The following FZD3 variants were observed in gnomAD, a reference collection of about 807,000 sequenced individuals.
FZD3 encodes frizzled-3.
Under a neutral mutation model 60.7 loss-of-function variants are expected in FZD3, and 30 were observed. That is an observed-to-expected ratio of 0.49 (90% CI 0.37 to 0.67). The LOEUF (loss-of-function observed/expected upper bound fraction) is 0.67, where lower values mean the gene tolerates loss of function less well. Ranked by LOEUF, FZD3 falls within the 30% of genes least tolerant of loss-of-function variation. The probability of loss-of-function intolerance (pLI) is 0.00; values close to 1 mark genes in which losing one functional copy is unlikely to be tolerated. For missense variants in FZD3, 605 were observed against 838.7 expected, an observed-to-expected ratio of 0.72 and a Z score of 3.44; for synonymous variants, 246 against 275.2, an observed-to-expected ratio of 0.89 and a Z score of 1.05.
chr8:28,542,977 T>C (rs1214779781), intron 5 of FZD3, among the ~76,000 whole-genome samples: 1 of 152,190 alleles, frequency 6.6e-6, no homozygotes, highest in African/African-American at 2.4e-5. Context: ...ATGAGTAGGA[T>C]AGGATGTATC....
rs1297183131 is a variant in FZD3, at chr8:28,527,700, G to A, written c.940G>A (p.Ala314Thr). ...WVILTITWFL[A>T]AVPKWGSEAI... ...AATTCTTACCATCACATGGTTTTTA[G>A]CAGCTGTGCCAAAGTGGGGTAGTGA... Residue 314 changes from alanine to threonine, a missense_variant, in exon 5 of 8, where the codon GCA becomes ACA. Physicochemically the swap from Ala to Thr is moderately conservative, Grantham distance 58. Transcript: ENST00000240093. This position sits in a 1 kb window ranked among gnomAD's most constrained non-coding sequence, Gnocchi z 5.0. 1 of 1,614,084 alleles carries A rather than the reference G, an allele frequency of 6.2e-7. No homozygotes were observed. The highest frequency in any genetic ancestry group is 8.5e-7 in the Non-Finnish European group (1 of 1,179,994).
intron 4 of FZD3, among the ~76,000 whole-genome samples, chr8:28,521,586 C>T (rs546321754): frequency 2.6e-5 from 4 of 152,126 alleles, no homozygotes; most frequent in Admixed American, 1.3e-4. Flanking sequence ...CTTGTTATCC[C>T]TCTTGAGCTT....
At chr8:28,548,442 A>T (rs1805344644) in intron 5 of FZD3, among the ~76,000 whole-genome samples, 1 of 152,228 alleles carries the variant, frequency 6.6e-6, no homozygotes, top group Non-Finnish European at 1.5e-5. Flanking sequence ...CTGGGACTAC[A>T]GGCCTGAGCC....
At chr8:28,526,449 A>AT (rs1196130247) in intron 4 of FZD3, among the ~76,000 whole-genome samples, 1 of 151,988 alleles carries the variant, frequency 6.6e-6, no homozygotes, top group South Asian at 2.1e-4. Context: ...TATCATTATC[A>AT]TTTTTGTACC....
rs1159880208 is a variant in FZD3, at chr8:28,572,249, A to G, written c.*9238A>G. ...TCTGAAATTGCTGGTTTTATTGGTC[A>G]AAAATGATCAGATGCTAGCAATTTC... On this transcript the variant is annotated 3_prime_UTR_variant, in exon 8 of 8. Coordinates refer to ENST00000240093, the MANE Select transcript of FZD3 (RefSeq NM_017412.4). 3.9e-5 allele frequency: 6 copies of G among 152,172 alleles called. No homozygotes were observed. Among genetic ancestry groups the G allele is most frequent in the Non-Finnish European group, 7.4e-5 (5 of 68,012 alleles). 9.4% of individuals were successfully genotyped at this position (152,172 alleles called of 1,614,324 possible).
chr8:28,556,028 TAAG>T (rs1805502185), intron 7 of FZD3, 57 bp downstream of exon 7: 2 of 1,144,242 alleles, frequency 1.7e-6, no homozygotes, highest in African/African-American at 1.5e-5. Context: ...CCATACAGCT[TAAG>T]AAAGAGGAGC....
intron 5 of FZD3, among the ~76,000 whole-genome samples, chr8:28,528,798 TGAA>T (rs1804787459): frequency 1.3e-5 from 2 of 152,198 alleles, no homozygotes; most frequent in Non-Finnish European, 2.9e-5. Context: ...GAGTAGTAAA[TGAA>T]CAGCTGGGAT....
chr8:28,508,425 CTT>C (rs35048077), intron 3 of FZD3, among the ~76,000 whole-genome samples: 69,097 of 129,364 alleles, frequency 0.53, 17,948 homozygotes, highest in South Asian at 0.62. Context: ...CTAGGGAATA[CTT>C]TTTTTTTTTT....
At chr8:28,501,685 A>G (rs185450189) in intron 2 of FZD3, among the ~76,000 whole-genome samples, 112 of 152,332 alleles carry the variant, frequency 7.4e-4, no homozygotes, top group African/African-American at 2.1e-3. Context: ...GAAATTGAGA[A>G]TCACACATAT....
intron 5 of FZD3, among the ~76,000 whole-genome samples, chr8:28,532,691 G>A (rs903867935): frequency 1.3e-5 from 2 of 152,040 alleles, no homozygotes; most frequent in African/African-American, 4.8e-5. Flanking sequence ...GGGATTATAG[G>A]TGTGAGCTAC....
chr8:28,544,758 TG>T (rs1332949295), intron 5 of FZD3, among the ~76,000 whole-genome samples: 2 of 152,240 alleles, frequency 1.3e-5, no homozygotes, highest in East Asian at 3.8e-4. Context: ...CCATACTTTT[TG>T]ATCCCTATGT....
intron 3 of FZD3, among the ~76,000 whole-genome samples, chr8:28,513,896 T>C (rs992740486): frequency 1.3e-5 from 2 of 152,180 alleles, no homozygotes; most frequent in Non-Finnish European, 2.9e-5. Flanking sequence ...ACATCCTTGC[T>C]AAGCTTGGGC....
chr8:28,509,919 C>T (rs1804239618), intron 3 of FZD3, among the ~76,000 whole-genome samples: 1 of 152,002 alleles, frequency 6.6e-6, no homozygotes, highest in South Asian at 2.1e-4. Flanking sequence ...AATCTGAGTT[C>T]CTGCTTTAAA....
At chr8:28,495,335 T>C (rs1195969204) in intron 1 of FZD3, among the ~76,000 whole-genome samples, 1 of 152,166 alleles carries the variant, frequency 6.6e-6, no homozygotes, top group East Asian at 1.9e-4. Context: ...GGTTCCCGTC[T>C]GGGTTGAGGG....
In FZD3 at chr8:28,555,797, G is replaced by T; in HGVS notation, c.1613G>T (p.Arg538Met). The T allele has an allele frequency of 6.2e-7, 1 of 1,613,926 alleles. No individual in the cohort carries two copies. The highest frequency in any genetic ancestry group is 8.5e-7 in the Non-Finnish European group (1 of 1,179,834). Reference protein sequence around the residue: ...QEPDFAQSLLRDPNTPIIRKS... With the variant: ...QEPDFAQSLLMDPNTPIIRKS... ...CCTGATTTTGCTCAGTCTCTCCTGA[G>T]GGATCCAAATACTCCTATCATAAGA... Residue 538 changes from arginine to methionine, a missense_variant, in exon 7 of 8, where the codon AGG becomes ATG. Physicochemically the swap from Arg to Met is moderately conservative, Grantham distance 91. Coordinates refer to ENST00000240093, the MANE Select transcript of FZD3 (RefSeq NM_017412.4).
At chr8:28,550,946 A>T (rs1248503717) in intron 5 of FZD3, among the ~76,000 whole-genome samples, 1 of 152,080 alleles carries the variant, frequency 6.6e-6, no homozygotes, top group Admixed American at 6.6e-5. Flanking sequence ...TTTTCCTTCT[A>T]TGGCATCTTA....
chr8:28,542,369 C>T (rs1376375195), intron 5 of FZD3, among the ~76,000 whole-genome samples: 4 of 152,168 alleles, frequency 2.6e-5, no homozygotes, highest in Non-Finnish European at 4.4e-5. Flanking sequence ...CCGGCCGCTG[C>T]GGCTCACTCC....
At chr8:28,532,090 A>G (rs1804890753) in intron 5 of FZD3, among the ~76,000 whole-genome samples, 1 of 152,188 alleles carries the variant, frequency 6.6e-6, no homozygotes, top group Admixed American at 6.5e-5. Context: ...CATTTATCAA[A>G]TAGTTCATCT....
At chr8:28,552,089 T>C (rs1363300345) in intron 6 of FZD3, among the ~76,000 whole-genome samples, 1 of 152,198 alleles carries the variant, frequency 6.6e-6, no homozygotes, top group Admixed American at 6.5e-5. Flanking sequence ...CTTCCTGATA[T>C]TCCTTTGAAG....
Sources: gnomAD v4.1 joint callset for allele counts (sites outside exome capture counted in the v4.1 genomes callset) on GRCh38, gnomAD v4.1.1 for gene constraint, Gnocchi (gnomAD v3.1) non-coding constraint, MANE v1.5 for transcripts, NCBI Gene and HGNC (gene_info 2026-07-23, HGNC 2026-07-21) for gene names.